The following NAA60 variants were observed in gnomAD, a reference collection of about 807,000 sequenced individuals.
NAA60 encodes N-alpha-acetyltransferase 60, NatF catalytic subunit, also known as N-alpha-acetyltransferase 60.
NAA60 carries 8 observed loss-of-function variants against 26.1 expected under a neutral mutation model. The observed-to-expected ratio is 0.31, with a 90% CI of 0.18 to 0.55. The LOEUF is 0.55. NAA60 is among the 20% of genes least tolerant of loss of function. NAA60 has a pLI of 0.93. For missense variants in NAA60, 290 were observed against 311.3 expected (o/e 0.93, Z 0.51); for synonymous variants, 131 against 122.5 (o/e 1.07, Z -0.46).
intron 2 of NAA60, 41 bp from the exon 3 acceptor site, chr16:3,476,181 C>G (rs1253337553): frequency 6.1e-6 from 9 of 1,479,846 alleles, no homozygotes; most frequent in Non-Finnish European, 7.4e-6. Flanking sequence ...TGAGGAAGAC[C>G]AGGCTGTGAG....
At chr16:3,458,576 G>C (rs2035154687) in intron 2 of NAA60, among the ~76,000 whole-genome samples, 2 of 152,198 alleles carry the variant, frequency 1.3e-5, no homozygotes, top group African/African-American at 4.8e-5. Flanking sequence ...TTTCCGTCGG[G>C]TCAGCGATTT....
intron 2 of NAA60, among the ~76,000 whole-genome samples, chr16:3,452,482 C>CT (rs2034822786): frequency 6.6e-6 from 1 of 151,688 alleles, no homozygotes; most frequent in South Asian, 2.1e-4. Flanking sequence ...TGGCGAAACT[C>CT]TATCTCTACT....
chr16:3,446,965 C>G (rs1425012425), intron 1 of NAA60, among the ~76,000 whole-genome samples: 1 of 151,914 alleles, frequency 6.6e-6, no homozygotes, highest in Admixed American at 6.6e-5. Context: ...GCTCAGCCTC[C>G]CGAGTAGCTG....
chr16:3,456,326 T>C (rs778099908), intron 2 of NAA60, among the ~76,000 whole-genome samples: 1 of 152,208 alleles, frequency 6.6e-6, no homozygotes, highest in Non-Finnish European at 1.5e-5. Flanking sequence ...GACCGCAGAC[T>C]GCACTGAGTA....
chr16:3,453,968 G>A (rs1189887478), intron 2 of NAA60, among the ~76,000 whole-genome samples: 1 of 152,148 alleles, frequency 6.6e-6, no homozygotes, highest in Non-Finnish European at 1.5e-5. Context: ...GGAGGTGGTG[G>A]TTGGAATCAC....
intron 2 of NAA60, among the ~76,000 whole-genome samples, chr16:3,454,640 A>T (rs1027688314): frequency 2.6e-5 from 4 of 152,188 alleles, no homozygotes; most frequent in African/African-American, 9.7e-5. Flanking sequence ...AAAAAGAGAG[A>T]GAGAAAGGAA....
At chr16:3,463,747 T>G (rs1400227534) in intron 2 of NAA60, among the ~76,000 whole-genome samples, 1 of 151,640 alleles carries the variant, frequency 6.6e-6, no homozygotes, top group Non-Finnish European at 1.5e-5. Flanking sequence ...GGCTTGTGCC[T>G]GTAATCCTAG....
At position 3,485,796 on chromosome 16, in the gene NAA60, G is replaced by A; in HGVS notation, c.*536G>A. 2.5e-6 allele frequency: 1 copy of A among 400,350 alleles called. No homozygotes were observed. The highest frequency in any genetic ancestry group is 5.1e-6 in the Non-Finnish European group (1 of 197,830). 24.8% of individuals were successfully genotyped at this position (400,350 alleles called of 1,614,324 possible). A position where few individuals can be genotyped will look rare whatever the true frequency, so the allele number is the denominator to read the frequency against. On this transcript the variant is annotated 3_prime_UTR_variant, in exon 8 of 8. Coordinates refer to ENST00000407558, the MANE Select transcript of NAA60 (RefSeq NM_001083601.3). Reference sequence around the variant, plus strand: ...CAAAGAAGCCTGGGGGGTGAGGAGTGGCCCCCACTCCTCCATGAGGGGCTG... The same window carrying A: ...CAAAGAAGCCTGGGGGGTGAGGAGTAGCCCCCACTCCTCCATGAGGGGCTG...
rs563736586 is a variant in NAA60 at position 3,476,335 on chromosome 16, C to T, written c.108C>T (p.Ile36=). The T allele has an allele frequency of 3.2e-5, 52 of 1,613,098 alleles. No homozygotes were observed. Among genetic ancestry groups the T allele is most frequent in the South Asian group, 2.3e-4 (21 of 90,988 alleles). The change falls in exon 3 of 8, where the codon ATC becomes ATT. Residue 36 remains isoleucine, a splice_region_variant and synonymous_variant. Coordinates refer to ENST00000407558, the MANE Select transcript of NAA60 (RefSeq NM_001083601.3). ...VKHLCGDWFP[I]EYPDSWYRDI... is the part of the protein sequence containing the mutation. The stretch of plus-strand genomic sequence containing the variant: ...ACCTGTGTGGCGACTGGTTCCCCAT[C>T]GAGTAAGTGGAGCGGATTGCAGGGT...
chr16:3,485,250 G>T (rs2037092842), intron 7 of NAA60, 189 bp downstream of exon 7: 1 of 647,798 alleles, frequency 1.5e-6, no homozygotes, highest in South Asian at 1.5e-5. Flanking sequence ...AGGCTCCATG[G>T]CAACTGGGCT....
chr16:3,471,605 T>C (rs12444625), intron 2 of NAA60, among the ~76,000 whole-genome samples: 9,348 of 152,174 alleles, frequency 0.061, 376 homozygotes, highest in Admixed American at 0.084. Context: ...CAACCCCACT[T>C]CCTGGGTCCA....
chr16:3,485,962 C>G lies in NAA60; in HGVS notation c.*702C>G, dbSNP rs1372663218. On this transcript the variant is annotated 3_prime_UTR_variant, in exon 8 of 8. Transcript: ENST00000407558. ...TGCAGTTACCAGTGCCCTGGGAGGT[C>G]ACACTGCCCGTCGGACCTTGGCATG... 6 of 298,338 alleles carry G rather than the reference C, an allele frequency of 2.0e-5. No homozygotes were observed. The East Asian group carries it at 5.8e-4, about 29-fold the overall frequency. 18.5% of individuals were successfully genotyped at this position (298,338 alleles called of 1,614,324 possible). A position where few individuals can be genotyped will look rare whatever the true frequency, so the allele number is the denominator to read the frequency against.
intron 3 of NAA60, 29 bp downstream of exon 3, chr16:3,476,366 A>T (rs2036483094): frequency 1.3e-6 from 2 of 1,584,088 alleles, no homozygotes; most frequent in Non-Finnish European, 1.7e-6. Flanking sequence ...AGGGTTGGGG[A>T]GAGCCCGTGA....
At chr16:3,478,953 G>A (rs971737872) in intron 3 of NAA60, among the ~76,000 whole-genome samples, 3 of 152,002 alleles carry the variant, frequency 2.0e-5, no homozygotes, top group South Asian at 2.1e-4. Flanking sequence ...TATTTTTCCC[G>A]GGCCAGGCGC....
At chr16:3,465,685 G>A (rs1477748671) in intron 2 of NAA60, among the ~76,000 whole-genome samples, 1 of 152,180 alleles carries the variant, frequency 6.6e-6, no homozygotes, top group Admixed American at 6.5e-5. Flanking sequence ...CGGTGGGGGA[G>A]CATCCCTGCT....
chr16:3,458,245 A>C, intron 2 of NAA60: 31 of 426,568 alleles, frequency 7.3e-5, no homozygotes, highest in South Asian at 1.0e-4. Flanking sequence ...GGGGCGGGGT[A>C]GGCGGGGAGG....
intron 4 of NAA60, 93 bp downstream of exon 4, chr16:3,479,693 C>T (rs1032343409): frequency 4.1e-6 from 6 of 1,467,174 alleles, no homozygotes; most frequent in African/African-American, 1.4e-5. Flanking sequence ...GCTCCACAGC[C>T]GTCGTCCAAG....
intron 6 of NAA60, chr16:3,484,469 A>T (rs2037047027): frequency 1.7e-6 from 1 of 593,194 alleles, no homozygotes; most frequent in Middle Eastern, 4.5e-4. Flanking sequence ...CTGCTGCCTC[A>T]CTCAGAAGGC....
intron 2 of NAA60, chr16:3,458,038 G>A: frequency 3.0e-6 from 3 of 985,264 alleles, no homozygotes; most frequent in South Asian, 4.7e-5. Context: ...AAGTGCCGCG[G>A]GCTGCCGCCT....
Sources: gnomAD v4.1 joint callset for allele counts (sites outside exome capture counted in the v4.1 genomes callset) on GRCh38, gnomAD v4.1.1 for gene constraint, MANE v1.5 for transcripts, NCBI Gene and HGNC (gene_info 2026-07-23, HGNC 2026-07-21) for gene names.